The following TAFA1 variants were observed in gnomAD, a reference collection of about 807,000 sequenced individuals.
TAFA1 encodes the protein TAFA chemokine like family member 1, also known as chemokine-like protein TAFA-1.
Under a neutral mutation model 18.5 loss-of-function variants are expected in TAFA1, and 4 were observed. That is an observed-to-expected ratio of 0.22 (90% CI 0.11 to 0.49). The LOEUF is 0.49. Ranked by LOEUF, TAFA1 falls within the 20% of genes least tolerant of loss-of-function variation. The probability of loss-of-function intolerance (pLI) is 0.98; values close to 1 mark genes in which losing one functional copy is unlikely to be tolerated. For synonymous variants in TAFA1, 56 were observed against 55.2 expected (o/e 1.01, Z -0.06); for missense variants, 147 against 169.0 (o/e 0.87, Z 0.72).
At chr3:68,158,761 T>G (rs1044906964) in intron 2 of TAFA1, among the ~76,000 whole-genome samples, 1 of 152,188 alleles carries the variant, frequency 6.6e-6, no homozygotes, top group Non-Finnish European at 1.5e-5. Flanking sequence ...CTTTTACAAA[T>G]ATATGCCCTT....
At chr3:68,225,586 G>A (rs935414496) in intron 2 of TAFA1, among the ~76,000 whole-genome samples, 2 of 152,090 alleles carry the variant, frequency 1.3e-5, no homozygotes, top group African/African-American at 4.8e-5. Flanking sequence ...TATTTCCTGA[G>A]CACTTACTAT....
chr3:68,283,647 A>G lies in TAFA1; in HGVS notation c.119-133633A>G, dbSNP rs2067942710. ...TTTTGTGAGGACTTAATTAGATTCA[A>G]AATTATATCTACACAAAAGGTCTTA... On this transcript the variant is annotated intron_variant, in intron 2 of 4. Transcript: ENST00000478136. 1.3e-5 allele frequency among the ~76,000 whole-genome samples: 2 copies of G among 151,910 alleles called. 1 individual carries two copies. The highest frequency in any genetic ancestry group is 4.2e-4 in the South Asian group (2 of 4,748).
At chr3:68,269,109 A>G (rs2067608606) in intron 2 of TAFA1, among the ~76,000 whole-genome samples, 1 of 152,076 alleles carries the variant, frequency 6.6e-6, no homozygotes, top group Non-Finnish European at 1.5e-5. Flanking sequence ...GTTTGAGGCT[A>G]ATTCTCCCAA....
At chr3:68,068,710 T>C (rs1010416285) in intron 2 of TAFA1, among the ~76,000 whole-genome samples, 1 of 152,214 alleles carries the variant, frequency 6.6e-6, no homozygotes, top group African/African-American at 2.4e-5. Context: ...ATGGTTCTAG[T>C]AGCGTGGTTT....
chr3:68,262,275 T>A (rs1156297655), intron 2 of TAFA1, among the ~76,000 whole-genome samples: 3 of 139,024 alleles, frequency 2.2e-5, no homozygotes, highest in Middle Eastern at 7.7e-3. Context: ...TTTTTTTTTT[T>A]AAATTTTCAG....
At chr3:68,273,631 T>A (rs1247973899) in intron 2 of TAFA1, among the ~76,000 whole-genome samples, 1 of 151,944 alleles carries the variant, frequency 6.6e-6, no homozygotes. Flanking sequence ...TCCCTAAGAC[T>A]AATAGAAATT....
chr3:68,463,723 A>C (rs1373969002), intron 3 of TAFA1, among the ~76,000 whole-genome samples: 1 of 152,160 alleles, frequency 6.6e-6, no homozygotes, highest in East Asian at 1.9e-4. Flanking sequence ...TGTTGGGTGA[A>C]GTCAAAATCT....
chr3:68,247,354 C>A (rs2067100805), intron 2 of TAFA1: 1 of 152,116 alleles, frequency 6.6e-6, no homozygotes, highest in Non-Finnish European at 1.5e-5. Flanking sequence ...TTTTTCTTCT[C>A]CCCAGATGTC....
upstream of TAFA1, among the ~76,000 whole-genome samples, chr3:68,001,532 T>G (rs1009641489): frequency 6.6e-6 from 1 of 152,108 alleles, no homozygotes; most frequent in African/African-American, 2.4e-5. Context: ...CTACTAAGGA[T>G]TTTTATTCTT....
At chr3:68,039,059 C>T (rs1483211103) in intron 2 of TAFA1, among the ~76,000 whole-genome samples, 2 of 152,170 alleles carry the variant, frequency 1.3e-5, no homozygotes, top group African/African-American at 2.4e-5. Flanking sequence ...GGCTGTGTCT[C>T]TCTTGTCCTC....
At chr3:68,372,692 G>T (rs977368678) in intron 2 of TAFA1, among the ~76,000 whole-genome samples, 4 of 151,928 alleles carry the variant, frequency 2.6e-5, no homozygotes, top group Non-Finnish European at 5.9e-5. Context: ...AACACAATTT[G>T]GGAAATAAAC....
At chr3:68,528,527 A>C (rs919343510) in intron 3 of TAFA1, among the ~76,000 whole-genome samples, 3 of 152,210 alleles carry the variant, frequency 2.0e-5, no homozygotes, top group Non-Finnish European at 4.4e-5. Flanking sequence ...ACAATAACAC[A>C]CTGGGAGTCA....
chr3:68,360,297 T>G (rs1185554070), intron 2 of TAFA1, among the ~76,000 whole-genome samples: 1 of 151,978 alleles, frequency 6.6e-6, no homozygotes, highest in Non-Finnish European at 1.5e-5. Flanking sequence ...TGCAAGACTT[T>G]TATGATTAAC....
chr3:68,341,276 G>C (rs1014028816), intron 2 of TAFA1, among the ~76,000 whole-genome samples: 1 of 152,162 alleles, frequency 6.6e-6, no homozygotes, highest in African/African-American at 2.4e-5. Flanking sequence ...TCGGGTTGGA[G>C]ATGGAATCAA....
chr3:68,261,660 A>G (rs570947358), intron 2 of TAFA1, among the ~76,000 whole-genome samples: 7 of 152,270 alleles, frequency 4.6e-5, no homozygotes, highest in African/African-American at 1.7e-4. Context: ...GCAAACTATC[A>G]CAAGGACAAA....
chr3:68,225,902 A>G (rs1299173112), intron 2 of TAFA1, among the ~76,000 whole-genome samples: 1 of 151,866 alleles, frequency 6.6e-6, no homozygotes, highest in South Asian at 2.1e-4. Context: ...AAAAAAATCC[A>G]TATGAAAACA....
At chr3:68,116,991 G>T (rs1203664007) in intron 2 of TAFA1, among the ~76,000 whole-genome samples, 1 of 152,200 alleles carries the variant, frequency 6.6e-6, no homozygotes, top group South Asian at 2.1e-4. Flanking sequence ...ACCACGTGCT[G>T]ATCTCTGATT....
upstream of TAFA1, among the ~76,000 whole-genome samples, chr3:67,999,750 C>A (rs1704263923): frequency 6.6e-6 from 1 of 151,508 alleles, no homozygotes; most frequent in Non-Finnish European, 1.5e-5. Context: ...AGTGTCATTG[C>A]AATAGGCTAA....
At chr3:68,093,175 G>A (rs2065047677) in intron 2 of TAFA1, among the ~76,000 whole-genome samples, 1 of 152,092 alleles carries the variant, frequency 6.6e-6, no homozygotes, top group South Asian at 2.1e-4. Flanking sequence ...TAGCTGGACT[G>A]TTACCTGGGC....
Sources: allele counts gnomAD v4.1 joint callset (sites outside exome capture counted in the v4.1 genomes callset), GRCh38; gene constraint gnomAD v4.1.1; transcripts MANE v1.5; gene names NCBI Gene and HGNC (gene_info 2026-07-23, HGNC 2026-07-21).